PCDH11X: variants seen among roughly 807,000 people sequenced by gnomAD.
The protein encoded by PCDH11X is protocadherin-11 X-linked.
A neutral mutation model predicts 53.3 loss-of-function variants in PCDH11X; 18 were observed. The observed-to-expected ratio is 0.34, with a 90% confidence interval of 0.23 to 0.50. PCDH11X has a LOEUF of 0.50. Ranked by LOEUF, PCDH11X falls within the 20% of genes least tolerant of loss-of-function variation. The pLI is 0.98. For missense variants in PCDH11X, 570 were observed against 1,032.4 expected, an observed-to-expected ratio of 0.55 and a Z score of 6.14; for synonymous variants, 279 against 393.3, an observed-to-expected ratio of 0.71 and a Z score of 3.44.
At chrX:92,022,778 A>C (rs2062906499) in intron 6 of PCDH11X, among the ~76,000 whole-genome samples, 1 of 111,620 alleles carries the variant, frequency 9.0e-6, no homozygotes, top group Admixed American at 9.6e-5. Context: ...GAAGTAAAAC[A>C]CTCCTCAGCA....
At chrX:92,582,786 G>C (rs752437738) in intron 10 of PCDH11X, among the ~76,000 whole-genome samples, 2 of 110,342 alleles carry the variant, frequency 1.8e-5, no homozygotes, top group African/African-American at 6.6e-5. Flanking sequence ...GAGGGAGGCT[G>C]TACCCTGCAA....
intron 6 of PCDH11X, among the ~76,000 whole-genome samples, chrX:92,039,580 G>A (rs1398036444): frequency 9.0e-6 from 1 of 111,156 alleles, no homozygotes; most frequent in African/African-American, 3.3e-5. Context: ...TGTGGTAAAT[G>A]CTGCCAGGCC....
chrX:92,323,819 A>C (rs2069267414), intron 8 of PCDH11X, among the ~76,000 whole-genome samples: 1 of 111,313 alleles, frequency 9.0e-6, no homozygotes, highest in Non-Finnish European at 1.9e-5. Flanking sequence ...TTTCAGTTAA[A>C]TATCTGGATT....
chrX:92,225,865 A>G (rs980812674), intron 7 of PCDH11X, among the ~76,000 whole-genome samples: 2 of 111,792 alleles, frequency 1.8e-5, no homozygotes, highest in African/African-American at 6.5e-5. Flanking sequence ...GAGGTGCTTC[A>G]ATATCTGCAG....
chrX:91,964,223 C>T (rs192443902), intron 6 of PCDH11X, among the ~76,000 whole-genome samples: 4 of 105,503 alleles, frequency 3.8e-5, no homozygotes, highest in Non-Finnish European at 5.7e-5. Flanking sequence ...GTTAAAATGT[C>T]CATACCATCC....
chrX:92,605,340 A>G (rs1405967078), intron 10 of PCDH11X, among the ~76,000 whole-genome samples: 1 of 111,526 alleles, frequency 9.0e-6, no homozygotes, highest in Non-Finnish European at 1.9e-5. Flanking sequence ...AAACAACAAG[A>G]GAAATTCCAA....
At chrX:92,069,933 C>T (rs1294295490) in intron 6 of PCDH11X, among the ~76,000 whole-genome samples, 4 of 110,954 alleles carry the variant, frequency 3.6e-5, no homozygotes, top group African/African-American at 6.6e-5. Context: ...CTGCCTGCCT[C>T]GGCCTCCCAA....
chrX:91,899,088 A>T lies in PCDH11X; in HGVS notation c.3033+19815A>T, dbSNP rs1422805122. 3.6e-5 allele frequency among the ~76,000 whole-genome samples: 4 copies of T among 111,575 alleles called. No homozygotes were observed. In the South Asian group the frequency reaches 1.5e-3, roughly 42 times the overall value. On this transcript the variant is annotated intron_variant, in intron 6 of 10. Transcript: ENST00000682573. ...ATGTATATATTACGGGGAGTTTAAT[A>T]AGGAGTATTGACTCACACTATCACA...
intron 10 of PCDH11X, among the ~76,000 whole-genome samples, chrX:92,559,676 A>G (rs1311881491): frequency 2.7e-5 from 3 of 110,813 alleles, no homozygotes. Flanking sequence ...GGGGGACTTT[A>G]CATTGAACTT....
intron 7 of PCDH11X, among the ~76,000 whole-genome samples, chrX:92,204,855 G>A (rs1490143474): frequency 8.9e-6 from 1 of 111,929 alleles, no homozygotes; most frequent in Non-Finnish European, 1.9e-5. Context: ...TATAATCATG[G>A]TGGAAGCCAC....
chrX:92,436,191 G>T (rs2072368881), intron 9 of PCDH11X, among the ~76,000 whole-genome samples: 1 of 107,310 alleles, frequency 9.3e-6, no homozygotes, highest in Admixed American at 1.0e-4. Flanking sequence ...TTCTAAAAAA[G>T]ACATACATGT....
At chrX:92,555,167 C>G (rs2148755528) in intron 10 of PCDH11X, among the ~76,000 whole-genome samples, 1 of 110,983 alleles carries the variant, frequency 9.0e-6, no homozygotes, top group East Asian at 2.8e-4. Context: ...TCATCCAGTT[C>G]TACATCTTCA....
At position 91,967,344 on chromosome X, in the gene PCDH11X, G is replaced by A. The variant is rs182226447; in HGVS notation, c.3033+88071G>A. Among the ~76,000 whole-genome samples, 370 of 110,513 alleles carry A rather than the reference G, an allele frequency of 3.3e-3. 1 individual carries two copies. The highest frequency in any genetic ancestry group is 0.012 in the African/African-American group (353 of 30,426). On this transcript the variant is annotated intron_variant, in intron 6 of 10. Coordinates refer to ENST00000682573, the MANE Select transcript of PCDH11X (RefSeq NM_032968.5). ...GCTGCACAGCAGGAGGTGAGCAGTG[G>A]CAAGCGCGCATTACCGCCTGAACTT... is the stretch of plus-strand genomic sequence containing the variant.
Position 92,215,728 on chromosome X carries a change from C to T in PCDH11X, c.3114+14273C>T, listed in dbSNP as rs780998025. On this transcript the variant is annotated intron_variant, in intron 7 of 10. Coordinates refer to ENST00000682573, the MANE Select transcript of PCDH11X (RefSeq NM_032968.5). ...GTTCTCCCAGCATGCAGCTGGAGAT[C>T]TGAGAATGGGCAGACTGCCTCCTCA... 2.9e-5 allele frequency among the ~76,000 whole-genome samples: 3 copies of T among 104,417 alleles called. No homozygotes were observed. The East Asian group carries it at 9.1e-4, about 32-fold the overall frequency. The allele number at this position is 104,417 out of a possible 115,157, so 90.7% of individuals were successfully genotyped here. A position where few individuals can be genotyped will look rare whatever the true frequency, so the allele number is the denominator to read the frequency against.
intron 7 of PCDH11X, among the ~76,000 whole-genome samples, chrX:92,244,411 C>G (rs2067311780): frequency 9.1e-6 from 1 of 109,359 alleles, no homozygotes; most frequent in African/African-American, 3.3e-5. Flanking sequence ...TACTGTCATT[C>G]AAAGCACTTT....
chrX:91,815,032 A>G (rs371980800), intron 4 of PCDH11X, among the ~76,000 whole-genome samples: 3 of 111,143 alleles, frequency 2.7e-5, no homozygotes, highest in East Asian at 5.6e-4. Context: ...TTAGTGCACA[A>G]TAACACTATA....
At chrX:92,457,205 A>G (rs912843060) in intron 9 of PCDH11X, among the ~76,000 whole-genome samples, 4 of 109,671 alleles carry the variant, frequency 3.6e-5, no homozygotes, top group African/African-American at 1.3e-4. Context: ...AAACAATAGC[A>G]TTATTCAGAG....
chrX:91,976,777 A>G (rs2062052253), intron 6 of PCDH11X, among the ~76,000 whole-genome samples: 1 of 111,563 alleles, frequency 9.0e-6, no homozygotes, highest in African/African-American at 3.3e-5. Context: ...GCCATTTTTA[A>G]AACCAGGAAA....
intron 10 of PCDH11X, among the ~76,000 whole-genome samples, chrX:92,575,153 G>A (rs1272532963): frequency 1.8e-5 from 2 of 109,770 alleles, no homozygotes; most frequent in Admixed American, 2.0e-4. Context: ...TTAAATTTGG[G>A]CATATGCATG....
Sources: gnomAD v4.1 joint callset for allele counts (sites outside exome capture counted in the v4.1 genomes callset) on GRCh38, gnomAD v4.1.1 for gene constraint, MANE v1.5 for transcripts, NCBI Gene and HGNC (gene_info 2026-07-23, HGNC 2026-07-21) for gene names.